The following MKKS variants were observed in gnomAD, a reference collection of about 807,000 sequenced individuals.
The protein encoded by MKKS is MKKS centrosomal shuttling protein.
A neutral mutation model predicts 33.2 loss-of-function variants in MKKS; 29 were observed. That is an observed-to-expected ratio of 0.87 (90% CI 0.65 to 1.19). The LOEUF (loss-of-function observed/expected upper bound fraction) is 1.19. Among genes scored for constraint, MKKS ranks in the 50% most tolerant of loss-of-function variants. The pLI is 0.00. For missense variants in MKKS, 661 were observed against 662.3 expected (o/e 1.00, Z 0.02); for synonymous variants, 260 against 244.0 (o/e 1.07, Z -0.61).
rs764180189 is a variant in MKKS at position 10,403,888 on chromosome 20, C to G, written c.*1359G>C. On this transcript the variant is annotated 3_prime_UTR_variant, in exon 6 of 6. Coordinates refer to ENST00000347364, the MANE Select transcript of MKKS (RefSeq NM_170784.3). ...TACCTAACATATATGGATGGCATTGCTGCTTGTATTGCTAGTTTTTTCCTT... is the reference window on the plus strand; with the variant it reads ...TACCTAACATATATGGATGGCATTGGTGCTTGTATTGCTAGTTTTTTCCTT... 18 of 152,146 alleles carry G rather than the reference C, an allele frequency of 1.2e-4. No homozygotes were observed. The highest frequency in any genetic ancestry group is 2.4e-4 in the Non-Finnish European group (16 of 68,038). 9.4% of individuals were successfully genotyped at this position (152,146 alleles called of 1,614,324 possible). A position where few individuals can be genotyped will look rare whatever the true frequency, so the allele number is the denominator to read the frequency against.
intron 1 of MKKS, among the ~76,000 whole-genome samples, chr20:10,433,251 C>T (rs1233574426): frequency 1.2e-4 from 18 of 152,240 alleles, no homozygotes; most frequent in Non-Finnish European, 1.6e-4. Context: ...GTGATCCGCC[C>T]GCCTCGGGCT....
chr20:10,413,445 T>A lies in MKKS; in HGVS notation c.70A>T (p.Thr24Ser), dbSNP rs1007442870. Reference protein sequence around the residue: ...SEPLTTERVRTTLSVLKRIVT... With the variant: ...SEPLTTERVRSTLSVLKRIVT... ...ATTCTTTTCAAGACAGAAAGTGTGGTCCTGACTCTCTCAGTTGTCAGTGGT... is the reference window on the plus strand; with the variant it reads ...ATTCTTTTCAAGACAGAAAGTGTGGACCTGACTCTCTCAGTTGTCAGTGGT... The change falls in exon 3 of 6, where the codon ACC becomes TCC. Residue 24 changes from threonine to serine, a missense_variant. Physicochemically the swap from Thr to Ser is moderately conservative, Grantham distance 58. Transcript: ENST00000347364. 9 of 1,613,960 alleles carry A rather than the reference T, an allele frequency of 5.6e-6. No homozygotes were observed. The highest frequency in any genetic ancestry group is 5.3e-5 in the African/African-American group (4 of 74,944).
intron 1 of MKKS, among the ~76,000 whole-genome samples, chr20:10,424,680 T>C (rs967999526): frequency 6.6e-6 from 1 of 152,236 alleles, no homozygotes; most frequent in African/African-American, 2.4e-5. Flanking sequence ...AGCTTTTACT[T>C]ACAATCAAAC....
At chr20:10,407,055 C>G (rs1197300562) in intron 5 of MKKS, among the ~76,000 whole-genome samples, 1 of 151,932 alleles carries the variant, frequency 6.6e-6, no homozygotes, top group Non-Finnish European at 1.5e-5. Context: ...TTTCCTAGAC[C>G]AATCAAAAAA....
chr20:10,422,892 T>TC, intron 1 of MKKS, among the ~76,000 whole-genome samples: 1 of 152,054 alleles, frequency 6.6e-6, no homozygotes, highest in South Asian at 2.1e-4. Context: ...TTTGTATTTT[T>TC]AGTAGAGACA....
At chr20:10,419,379 ATATAG>A (rs1245503882) in intron 2 of MKKS, among the ~76,000 whole-genome samples, 1 of 152,160 alleles carries the variant, frequency 6.6e-6, no homozygotes, top group African/African-American at 2.4e-5. Context: ...TATAATCATA[ATATAG>A]TATAACGCTA....
intron 2 of MKKS, among the ~76,000 whole-genome samples, chr20:10,414,199 T>C (rs1025429906): frequency 3.3e-5 from 5 of 151,926 alleles, no homozygotes; most frequent in African/African-American, 9.7e-5. Context: ...AGCACAGTTA[T>C]TTGAATATGG....
At chr20:10,416,876 T>G (rs987865531) in intron 2 of MKKS, among the ~76,000 whole-genome samples, 2 of 152,230 alleles carry the variant, frequency 1.3e-5, no homozygotes, top group African/African-American at 4.8e-5. Context: ...TTAATTTGTG[T>G]ACTGTGTATG....
In MKKS at chr20:10,405,011, T is replaced by A; in HGVS notation, c.*236A>T. The A allele has an allele frequency of 2.9e-6, 1 of 346,442 alleles. No homozygotes were observed. Among genetic ancestry groups the A allele is most frequent in the Non-Finnish European group, 5.2e-6 (1 of 191,348 alleles). The allele number at this position is 346,442 out of a possible 1,614,324, so 21.5% of individuals were successfully genotyped here. ...ACAATGTACAGCAGCCAGTATAGAA[T>A]CCCTAAGATAACTATAATATTTTTA... On this transcript the variant is annotated 3_prime_UTR_variant, in exon 6 of 6. Transcript: ENST00000347364.
At chr20:10,410,198 A>C (rs112591993) in intron 3 of MKKS, among the ~76,000 whole-genome samples, 2,238 of 152,260 alleles carry the variant, frequency 0.015, 25 homozygotes, top group Non-Finnish European at 0.021. Context: ...CAGATTCTGC[A>C]TGAGAAGGCC....
At chr20:10,421,545 G>A (rs185842253) in intron 1 of MKKS, among the ~76,000 whole-genome samples, 10 of 152,206 alleles carry the variant, frequency 6.6e-5, no homozygotes, top group East Asian at 3.9e-4. Flanking sequence ...TTTCAACTGC[G>A]ATTGCAACAG....
chr20:10,422,656 T>G (rs1248564785), intron 1 of MKKS, among the ~76,000 whole-genome samples: 1 of 152,134 alleles, frequency 6.6e-6, no homozygotes, highest in African/African-American at 2.4e-5. Context: ...GTCTCAATAC[T>G]TAAGGTGACT....
At chr20:10,422,976 G>C (rs1051009777) in intron 1 of MKKS, among the ~76,000 whole-genome samples, 4 of 152,124 alleles carry the variant, frequency 2.6e-5, no homozygotes, top group African/African-American at 9.7e-5. Context: ...CTCCCAAAGT[G>C]CTGGGATTAC....
intron 3 of MKKS, among the ~76,000 whole-genome samples, chr20:10,411,208 G>A (rs543152456): frequency 2.6e-5 from 4 of 151,852 alleles, no homozygotes; most frequent in South Asian, 2.1e-4. Flanking sequence ...GGATGGTCTC[G>A]ATCTCCTGAC....
At chr20:10,426,027 CTT>C (rs536012709) in intron 1 of MKKS, among the ~76,000 whole-genome samples, 87 of 152,308 alleles carry the variant, frequency 5.7e-4, no homozygotes, top group African/African-American at 2.0e-3. Context: ...TAGAGGCAAT[CTT>C]AATGTGGATT....
At chr20:10,405,818 C>G in intron 5 of MKKS, 131 bp from the exon 6 acceptor site, 1 of 967,434 alleles carries the variant, frequency 1.0e-6, no homozygotes, top group Non-Finnish European at 1.6e-6. Flanking sequence ...TGGGGTCTGG[C>G]ACAATGCTAA....
At chr20:10,420,021 G>C (rs2064968012) in intron 2 of MKKS, among the ~76,000 whole-genome samples, 2 of 152,010 alleles carry the variant, frequency 1.3e-5, no homozygotes, top group African/African-American at 4.8e-5. Context: ...TTGGTTTTGA[G>C]AACTTTTTGA....
intron 2 of MKKS, among the ~76,000 whole-genome samples, chr20:10,419,154 C>T (rs972296578): frequency 6.6e-6 from 1 of 152,030 alleles, no homozygotes; most frequent in African/African-American, 2.4e-5. Context: ...GGTTCTTCTT[C>T]CATAAAGAGC....
intron 2 of MKKS, among the ~76,000 whole-genome samples, chr20:10,419,369 TATAATC>T (rs1285725265): frequency 6.6e-6 from 1 of 152,090 alleles, no homozygotes; most frequent in African/African-American, 2.4e-5. Flanking sequence ...ACATAATCAA[TATAATC>T]ATAATATAGT....
Sources: allele counts gnomAD v4.1 joint callset (sites outside exome capture counted in the v4.1 genomes callset), GRCh38; gene constraint gnomAD v4.1.1; transcripts MANE v1.5; gene names NCBI Gene and HGNC (gene_info 2026-07-23, HGNC 2026-07-21).